The following FOXP2 variants were observed in gnomAD, a reference collection of about 807,000 sequenced individuals.
The protein encoded by FOXP2 is forkhead box protein P2.
FOXP2 carries 12 observed loss-of-function variants against 115.8 expected under a neutral mutation model. The observed-to-expected ratio is 0.10, with a 90% CI of 0.07 to 0.17. The LOEUF (loss-of-function observed/expected upper bound fraction) is 0.17. FOXP2 is among the 10% of genes least tolerant of loss of function. The probability of loss-of-function intolerance (pLI) is 1.00; values close to 1 mark genes in which losing one functional copy is unlikely to be tolerated. For synonymous variants in FOXP2, 328 were observed against 297.7 expected (o/e 1.10, Z -1.05); for missense variants, 629 against 843.5 (o/e 0.75, Z 3.15).
chr7:114,138,194 C>G (rs1007695354), intron 1 of FOXP2, among the ~76,000 whole-genome samples: 4 of 152,160 alleles, frequency 2.6e-5, no homozygotes, highest in African/African-American at 9.7e-5. Flanking sequence ...TAACTCCCTA[C>G]TCCTTCAGTG....
At chr7:114,245,844 G>T (rs1795269891) in intron 1 of FOXP2, among the ~76,000 whole-genome samples, 3 of 149,104 alleles carry the variant, frequency 2.0e-5, no homozygotes, top group Non-Finnish European at 1.5e-5. Context: ...AAGTTCCAAA[G>T]TTTTTTTTCC....
intron 1 of FOXP2, among the ~76,000 whole-genome samples, chr7:114,168,438 C>T (rs537071958): frequency 5.9e-5 from 9 of 152,190 alleles, no homozygotes; most frequent in East Asian, 1.9e-4. Flanking sequence ...TTAGCAGAGA[C>T]GGGTGACATT....
chr7:114,124,768 C>T (rs1791660250), intron 1 of FOXP2, among the ~76,000 whole-genome samples: 1 of 151,952 alleles, frequency 6.6e-6, no homozygotes, highest in Non-Finnish European at 1.5e-5. Flanking sequence ...GTTTTCTCCA[C>T]CTTACCCCTT....
intron 3 of FOXP2, among the ~76,000 whole-genome samples, chr7:114,584,444 T>A (rs995935506): frequency 1.3e-5 from 2 of 152,212 alleles, no homozygotes; most frequent in Non-Finnish European, 2.9e-5. Context: ...TGACAATTTT[T>A]TAACATTCTG....
Position 114,658,167 on chromosome 7 carries a change from G to A in FOXP2, c.1368G>A (p.Pro456=), listed in dbSNP as rs898127235. Residue 456 remains proline, a synonymous_variant, in exon 11 of 17, where the codon CCG becomes CCA. Coordinates refer to ENST00000350908, the MANE Select transcript of FOXP2 (RefSeq NM_014491.4). ...TPTTPTAPVT[P]ITQGPSVITP... is the part of the protein sequence containing the mutation. ...CCACACCAACGGCCCCAGTCACCCC[G>A]ATTACCCAGGGACCCTCAGTAATCA... The A allele has an allele frequency of 1.2e-6, 2 of 1,613,612 alleles. No homozygotes were observed. The highest frequency in any genetic ancestry group is 1.3e-5 in the African/African-American group (1 of 74,842).
Position 114,589,621 on chromosome 7 carries a change from T to C in FOXP2, c.259-38919T>C, listed in dbSNP as rs149815656. Reference sequence around the variant, plus strand: ...CTAATAATGCACTTCTCAGACTTTATCCTGGGGGCAAAAGCCATTTCTGTG... The same window carrying C: ...CTAATAATGCACTTCTCAGACTTTACCCTGGGGGCAAAAGCCATTTCTGTG... On this transcript the variant is annotated intron_variant, in intron 3 of 16. Coordinates refer to ENST00000350908, the MANE Select transcript of FOXP2 (RefSeq NM_014491.4). 4.0e-3 allele frequency among the ~76,000 whole-genome samples: 605 copies of C among 152,296 alleles called. 9 individuals are homozygous for C. Among genetic ancestry groups the C allele is most frequent in the African/African-American group, 0.014 (576 of 41,576 alleles).
chr7:114,592,230 A>T (rs1467004609), intron 3 of FOXP2, among the ~76,000 whole-genome samples: 1 of 152,048 alleles, frequency 6.6e-6, no homozygotes. Flanking sequence ...ATTTCAAGAC[A>T]TTCCCTATTT....
intron 1 of FOXP2, among the ~76,000 whole-genome samples, chr7:114,157,325 T>A (rs1431519329): frequency 6.6e-6 from 1 of 152,098 alleles, no homozygotes; most frequent in African/African-American, 2.4e-5. Context: ...GCTATTTGAG[T>A]AGCTTATTCC....
intron 2 of FOXP2, among the ~76,000 whole-genome samples, chr7:114,485,224 A>G (rs929548838): frequency 6.6e-6 from 1 of 151,856 alleles, no homozygotes; most frequent in Non-Finnish European, 1.5e-5. Context: ...GTTTTAGAAA[A>G]TTTTTTTATT....
At chr7:114,086,527 C>G (rs920493057), upstream of FOXP2, 5 of 397,280 alleles carry the variant, frequency 1.3e-5, no homozygotes, top group Admixed American at 1.5e-4. Context: ...CCCGGACTCG[C>G]GCGTGGGTGT....
chr7:114,642,645 C>T, intron 7 of FOXP2, 22 bp downstream of exon 7: 1 of 1,590,446 alleles, frequency 6.3e-7, no homozygotes, highest in Non-Finnish European at 8.6e-7. Context: ...GAGCTTTATT[C>T]TATATTTATC....
intron 16 of FOXP2, among the ~76,000 whole-genome samples, chr7:114,677,326 T>C (rs548307307): frequency 1.3e-5 from 2 of 152,322 alleles, no homozygotes; most frequent in South Asian, 4.1e-4. Context: ...AATATTCTAG[T>C]CATTAACAGT....
intron 2 of FOXP2, among the ~76,000 whole-genome samples, chr7:114,528,439 A>T (rs898092321): frequency 3.9e-5 from 6 of 152,074 alleles, no homozygotes; most frequent in Non-Finnish European, 7.4e-5. Context: ...AAACAATGTC[A>T]TATCACCCCT....
intron 1 of FOXP2, among the ~76,000 whole-genome samples, chr7:114,091,541 A>G (rs1437310716): frequency 6.6e-6 from 1 of 151,880 alleles, no homozygotes; most frequent in African/African-American, 2.4e-5. Context: ...GTATTTATCT[A>G]TACAGATATT....
intron 3 of FOXP2, among the ~76,000 whole-genome samples, chr7:114,557,097 T>A (rs966141313): frequency 3.3e-5 from 5 of 152,356 alleles, no homozygotes; most frequent in Non-Finnish European, 4.4e-5. Context: ...TGAAAATTAA[T>A]AAATCTCTAC....
At chr7:114,592,285 C>A (rs569265353) in intron 3 of FOXP2, among the ~76,000 whole-genome samples, 1 of 151,866 alleles carries the variant, frequency 6.6e-6, no homozygotes, top group East Asian at 1.9e-4. Context: ...TCTTATCAGT[C>A]TTATATTTTT....
chr7:114,643,984 G>A (rs1394979361), intron 7 of FOXP2, among the ~76,000 whole-genome samples: 1 of 152,104 alleles, frequency 6.6e-6, no homozygotes, highest in African/African-American at 2.4e-5. Flanking sequence ...GCCTTCATTT[G>A]AGTATCATGG....
At chr7:114,131,062 A>AT (rs1041191500) in intron 1 of FOXP2, among the ~76,000 whole-genome samples, 2 of 152,114 alleles carry the variant, frequency 1.3e-5, no homozygotes, top group Admixed American at 6.5e-5. Flanking sequence ...CAGTTTACGT[A>AT]TTTTTTCTCT....
intron 1 of FOXP2, among the ~76,000 whole-genome samples, chr7:114,128,231 A>T (rs1433245083): frequency 6.6e-6 from 1 of 152,172 alleles, no homozygotes; most frequent in Admixed American, 6.6e-5. Flanking sequence ...TTTAATGTGC[A>T]AACAAACCGA....
Sources: allele counts gnomAD v4.1 joint callset (sites outside exome capture counted in the v4.1 genomes callset), GRCh38; gene constraint gnomAD v4.1.1; transcripts MANE v1.5; gene names NCBI Gene and HGNC (gene_info 2026-07-23, HGNC 2026-07-21).